Variants in SPTLC1 observed in about 807,000 individuals in gnomAD.
SPTLC1 encodes serine palmitoyltransferase 1.
SPTLC1 carries 55 observed loss-of-function variants against 68.9 expected under a neutral mutation model. That is an observed-to-expected ratio of 0.80 (90% CI 0.64 to 1.00). SPTLC1 has a LOEUF of 1.00. Among genes scored for constraint, SPTLC1 ranks in the 50% least tolerant of loss-of-function variants. SPTLC1 has a pLI of 0.00. For missense variants in SPTLC1, 449 were observed against 573.1 expected, an observed-to-expected ratio of 0.78 and a Z score of 2.21; for synonymous variants, 197 against 201.6, an observed-to-expected ratio of 0.98 and a Z score of 0.19.
chr9:92,035,777 G>A (rs1833120263), intron 13 of SPTLC1, among the ~76,000 whole-genome samples: 1 of 152,212 alleles, frequency 6.6e-6, no homozygotes, highest in Admixed American at 6.5e-5. Flanking sequence ...TCACGTCGTA[G>A]GCTGCGAGGA....
At chr9:92,092,341 T>C (rs575095543) in intron 3 of SPTLC1, among the ~76,000 whole-genome samples, 98 of 151,976 alleles carry the variant, frequency 6.4e-4, no homozygotes, top group Non-Finnish European at 1.1e-3. Flanking sequence ...TATAAATTAC[T>C]GAGAAGACAA....
At chr9:92,047,322 C>T in intron 10 of SPTLC1, 54 bp from the exon 11 acceptor site, 1 of 1,459,760 alleles carries the variant, frequency 6.9e-7, no homozygotes, top group Non-Finnish European at 9.6e-7. Flanking sequence ...TCTAGGTAAA[C>T]ATTTGAAAGG....
chr9:92,082,281 G>A (rs1254891410), intron 3 of SPTLC1, among the ~76,000 whole-genome samples: 2 of 151,866 alleles, frequency 1.3e-5, no homozygotes, highest in Non-Finnish European at 2.9e-5. Flanking sequence ...GGGTACATGT[G>A]CACAATGTGC....
At chr9:92,104,468 G>T in intron 3 of SPTLC1, 1 of 1,401,184 alleles carries the variant, frequency 7.1e-7, no homozygotes, top group South Asian at 1.3e-5. Flanking sequence ...ACCCCACAGA[G>T]GGTCCTGCCT....
At chr9:92,061,463 T>C (rs572524835) in intron 6 of SPTLC1, among the ~76,000 whole-genome samples, 1 of 152,254 alleles carries the variant, frequency 6.6e-6, no homozygotes, top group African/African-American at 2.4e-5. Context: ...ATGAAGAATA[T>C]TTGTCACTAG....
intron 1 of SPTLC1, 128 bp from the exon 2 acceptor site, chr9:92,112,690 G>A: frequency 3.1e-6 from 2 of 643,276 alleles, no homozygotes; most frequent in South Asian, 1.8e-5. Context: ...TACTTTCGAA[G>A]CTCCCTTAAT....
chr9:92,069,777 T>C, intron 5 of SPTLC1, among the ~76,000 whole-genome samples: 1 of 152,194 alleles, frequency 6.6e-6, no homozygotes. Flanking sequence ...GCCACAAACC[T>C]TCACAGTTCA....
chr9:92,062,278 A>G (rs1250494465), intron 6 of SPTLC1, among the ~76,000 whole-genome samples: 1 of 152,240 alleles, frequency 6.6e-6, no homozygotes, highest in Non-Finnish European at 1.5e-5. Context: ...AGAGAAGAAC[A>G]TTATGAAACG....
At chr9:92,057,466 C>T (rs1294495808) in intron 7 of SPTLC1, among the ~76,000 whole-genome samples, 1 of 152,218 alleles carries the variant, frequency 6.6e-6, no homozygotes, top group East Asian at 1.9e-4. Context: ...TAGGAACACT[C>T]TTTGTCTCAC....
At chr9:92,100,070 A>G (rs1024353223) in intron 3 of SPTLC1, among the ~76,000 whole-genome samples, 5 of 152,134 alleles carry the variant, frequency 3.3e-5, no homozygotes, top group Non-Finnish European at 7.4e-5. Context: ...TGGGGAAAAA[A>G]AAGTCAAGAA....
At chr9:92,051,615 C>T (rs1833707467) in intron 8 of SPTLC1, among the ~76,000 whole-genome samples, 1 of 152,164 alleles carries the variant, frequency 6.6e-6, no homozygotes, top group Non-Finnish European at 1.5e-5. Flanking sequence ...AGTCGAGGTC[C>T]TAGCCAGGGC....
At chr9:92,044,355 G>A (rs1468709445) in intron 12 of SPTLC1, among the ~76,000 whole-genome samples, 1 of 152,214 alleles carries the variant, frequency 6.6e-6, no homozygotes, top group Admixed American at 6.5e-5. Flanking sequence ...CAGTGTAGCA[G>A]AGTCCAAAGA....
intron 12 of SPTLC1, among the ~76,000 whole-genome samples, chr9:92,044,050 G>A (rs1034068884): frequency 5.3e-5 from 8 of 152,164 alleles, no homozygotes; most frequent in East Asian, 3.9e-4. Flanking sequence ...TTATGAATGT[G>A]TGTTTACTGT....
chr9:92,107,567 A>G (rs182559122), intron 3 of SPTLC1, among the ~76,000 whole-genome samples: 69 of 152,348 alleles, frequency 4.5e-4, no homozygotes, highest in Admixed American at 4.4e-3. Context: ...CCTGGCTAAC[A>G]CAGTGAAACT....
intron 5 of SPTLC1, 70 bp downstream of exon 5, chr9:92,079,946 A>G: frequency 7.3e-7 from 1 of 1,360,642 alleles, no homozygotes; most frequent in Admixed American, 1.7e-5. Context: ...GTGAGCCACC[A>G]TGCCCAGCCT....
At chr9:92,040,324 C>T (rs1181456589) in intron 12 of SPTLC1, among the ~76,000 whole-genome samples, 10 of 151,796 alleles carry the variant, frequency 6.6e-5, no homozygotes, top group South Asian at 6.2e-4. Context: ...GAGCTGAGAT[C>T]GTGCCACTGC....
At chr9:92,081,033 G>T in intron 3 of SPTLC1, 70 bp from the exon 4 acceptor site, 1 of 1,193,646 alleles carries the variant, frequency 8.4e-7, no homozygotes, top group Non-Finnish European at 1.2e-6. Context: ...TACCTTGGTG[G>T]TAGGCACAAC....
At chr9:92,089,915 T>C (rs563011077) in intron 3 of SPTLC1, among the ~76,000 whole-genome samples, 3 of 152,316 alleles carry the variant, frequency 2.0e-5, no homozygotes, top group Admixed American at 6.5e-5. Flanking sequence ...GGCCAGGCCA[T>C]GATGAAGAAA....
At chr9:92,055,281 A>C (rs1280170434) in intron 8 of SPTLC1, 124 bp downstream of exon 8, 17 of 1,533,678 alleles carry the variant, frequency 1.1e-5, no homozygotes, top group Non-Finnish European at 1.5e-5. Context: ...TCTGAGCAAA[A>C]TATGCTTATG....
Sources: gnomAD v4.1 joint callset for allele counts (sites outside exome capture counted in the v4.1 genomes callset) on GRCh38, gnomAD v4.1.1 for gene constraint, MANE v1.5 for transcripts, NCBI Gene and HGNC (gene_info 2026-07-23, HGNC 2026-07-21) for gene names.